The following ADARB2 variants were observed in gnomAD, a reference collection of about 807,000 sequenced individuals.
ADARB2 encodes inactive double-stranded RNA-specific editase B2.
In ADARB2, 25 loss-of-function variants were observed where a neutral mutation model predicts 62.2. That is an observed-to-expected ratio of 0.40 (90% confidence interval 0.29 to 0.56). The LOEUF (loss-of-function observed/expected upper bound fraction) is 0.56, where lower values mean the gene tolerates loss of function less well. Among genes scored for constraint, ADARB2 ranks in the 20% least tolerant of loss-of-function variants. The pLI is 0.43. For missense variants in ADARB2, 1,071 were observed against 1,077.4 expected (o/e 0.99, Z 0.08); for synonymous variants, 572 against 500.8 (o/e 1.14, Z -1.90).
At chr10:1,410,134 T>A (rs1588248095) in intron 1 of ADARB2, among the ~76,000 whole-genome samples, 1 of 148,864 alleles carries the variant, frequency 6.7e-6, no homozygotes, top group East Asian at 2.0e-4. Context: ...AGGGAATGAT[T>A]GTCAGTGGTG....
rs189818814 is a variant in ADARB2, at chr10:1,243,379, A to T, written c.1193-1080T>A. On this transcript the variant is annotated intron_variant, in intron 4 of 9. Coordinates refer to ENST00000381312, the MANE Select transcript of ADARB2 (RefSeq NM_018702.4). Reference sequence around the variant, plus strand: ...GACACACAAATTAATGTCACGCCAGAAGCAGGCCTCCCTCCCATCTTAAAT... The same window carrying T: ...GACACACAAATTAATGTCACGCCAGTAGCAGGCCTCCCTCCCATCTTAAAT... Among the ~76,000 whole-genome samples, 831 of 152,320 alleles carry T rather than the reference A, an allele frequency of 5.5e-3. 3 individuals carry two copies. Among genetic ancestry groups the T allele is most frequent in the Non-Finnish European group, 7.8e-3 (529 of 68,018 alleles).
chr10:1,641,320 C>A (rs1833975781), intron 1 of ADARB2, among the ~76,000 whole-genome samples: 1 of 152,254 alleles, frequency 6.6e-6, no homozygotes, highest in African/African-American at 2.4e-5. Context: ...TGTGTTTCCA[C>A]TTTGACCTGC....
At chr10:1,698,268 C>T (rs1391994143) in intron 1 of ADARB2, among the ~76,000 whole-genome samples, 1 of 152,146 alleles carries the variant, frequency 6.6e-6, no homozygotes, top group East Asian at 1.9e-4. Flanking sequence ...CTGAAGATGC[C>T]ACCCATTAGC....
At chr10:1,209,054 G>A (rs1478396798) in intron 7 of ADARB2, among the ~76,000 whole-genome samples, 1 of 152,148 alleles carries the variant, frequency 6.6e-6, no homozygotes, top group African/African-American at 2.4e-5. Context: ...GCAGTGAGGG[G>A]CGTGTGGCTG....
chr10:1,285,870 G>T (rs1831408248), intron 3 of ADARB2, among the ~76,000 whole-genome samples: 1 of 152,172 alleles, frequency 6.6e-6, no homozygotes, highest in Non-Finnish European at 1.5e-5. Flanking sequence ...CAGCCAAAGT[G>T]GTGGGATACT....
At chr10:1,673,549 C>T (rs1588347432) in intron 1 of ADARB2, among the ~76,000 whole-genome samples, 1 of 152,166 alleles carries the variant, frequency 6.6e-6, no homozygotes, top group Non-Finnish European at 1.5e-5. Context: ...AGAAACACGT[C>T]GCTTAGACCT....
intron 7 of ADARB2, chr10:1,200,379 C>A: frequency 1.8e-6 from 1 of 564,348 alleles, no homozygotes; most frequent in Non-Finnish European, 3.2e-6. Context: ...ATGCTGCTCT[C>A]TTTTCTGAAA....
chr10:1,342,320 C>T (rs2131839576), intron 3 of ADARB2, among the ~76,000 whole-genome samples: 1 of 152,334 alleles, frequency 6.6e-6, no homozygotes, highest in East Asian at 1.9e-4. Flanking sequence ...ACACATGGCC[C>T]CACAGAACCA....
intron 4 of ADARB2, among the ~76,000 whole-genome samples, chr10:1,266,173 T>G (rs1831197949): frequency 6.6e-6 from 1 of 151,880 alleles, no homozygotes. Flanking sequence ...GAAGATGGCG[T>G]GTGGGTCGGC....
In ADARB2 at chr10:1,210,020, G is replaced by A. The variant is rs189683600; in HGVS notation, c.1682+6931C>T. On this transcript the variant is annotated intron_variant, in intron 7 of 9. Coordinates refer to ENST00000381312, the MANE Select transcript of ADARB2 (RefSeq NM_018702.4). The stretch of plus-strand genomic sequence containing the variant: ...AATCTATTATTATTCATGGAATTCC[G>A]TACCCAGAAGAAGGTCTGCTGTCAC... 6.3e-3 allele frequency among the ~76,000 whole-genome samples: 945 copies of A among 151,098 alleles called. 10 individuals are homozygous for A. Among genetic ancestry groups the A allele is most frequent in the African/African-American group, 0.021 (860 of 40,444 alleles).
At chr10:1,362,737 A>T in intron 3 of ADARB2, among the ~76,000 whole-genome samples, 1 of 152,030 alleles carries the variant, frequency 6.6e-6, no homozygotes, top group East Asian at 1.9e-4. Context: ...CACGGACGAA[A>T]CCTGGCACGG....
At chr10:1,453,821 T>C (rs1412289650) in intron 1 of ADARB2, among the ~76,000 whole-genome samples, 1 of 152,222 alleles carries the variant, frequency 6.6e-6, no homozygotes, top group Non-Finnish European at 1.5e-5. Context: ...CCCACTGGAA[T>C]GGCTACTGCA....
chr10:1,282,350 A>C (rs1831378084), intron 3 of ADARB2, among the ~76,000 whole-genome samples: 1 of 152,196 alleles, frequency 6.6e-6, no homozygotes, highest in East Asian at 1.9e-4. Flanking sequence ...TCCCCAGTGA[A>C]GCCCTTTCCG....
chr10:1,355,034 G>A (rs1271532792), intron 3 of ADARB2, among the ~76,000 whole-genome samples: 2 of 152,140 alleles, frequency 1.3e-5, no homozygotes, highest in Non-Finnish European at 2.9e-5. Context: ...GGGCTCCCAC[G>A]AGGCTCCCAT....
chr10:1,717,282 T>G (rs1835031410), intron 1 of ADARB2, among the ~76,000 whole-genome samples: 2 of 149,046 alleles, frequency 1.3e-5, no homozygotes, highest in South Asian at 4.4e-4. Flanking sequence ...GGGCCCTGTG[T>G]ATTTGGTTGC....
At chr10:1,345,882 A>G (rs967782109) in intron 3 of ADARB2, among the ~76,000 whole-genome samples, 10 of 152,230 alleles carry the variant, frequency 6.6e-5, no homozygotes, top group African/African-American at 1.9e-4. Context: ...ATAACTGAAT[A>G]AAGCCTCCAC....
At chr10:1,723,386 A>T (rs1448734071) in intron 1 of ADARB2, among the ~76,000 whole-genome samples, 2 of 152,124 alleles carry the variant, frequency 1.3e-5, no homozygotes, top group Admixed American at 6.5e-5. Context: ...TCCCTTCTTA[A>T]GCAAAGAACA....
At chr10:1,341,793 A>G (rs1262416252) in intron 3 of ADARB2, among the ~76,000 whole-genome samples, 1 of 144,578 alleles carries the variant, frequency 6.9e-6, no homozygotes, top group South Asian at 2.2e-4. Flanking sequence ...AATCAGCATC[A>G]GCCAGAGAAC....
chr10:1,411,253 C>T lies in ADARB2; in HGVS notation c.101-32093G>A, dbSNP rs556923698. 8.5e-5 allele frequency among the ~76,000 whole-genome samples: 13 copies of T among 152,322 alleles called. No individual in the cohort carries two copies. In the South Asian group the frequency reaches 2.7e-3, roughly 32 times the overall value. Reference sequence around the variant, plus strand: ...CTGTCTGCTCCAGGCTGCATGGTGGCTGAGGCACAGGTGCGTCCGTGAGGC... The same window carrying T: ...CTGTCTGCTCCAGGCTGCATGGTGGTTGAGGCACAGGTGCGTCCGTGAGGC... On this transcript the variant is annotated intron_variant, in intron 1 of 9. Coordinates refer to ENST00000381312, the MANE Select transcript of ADARB2 (RefSeq NM_018702.4).
Sources: allele counts gnomAD v4.1 joint callset (sites outside exome capture counted in the v4.1 genomes callset), GRCh38; gene constraint gnomAD v4.1.1; transcripts MANE v1.5; gene names NCBI Gene and HGNC (gene_info 2026-07-23, HGNC 2026-07-21).